Variants in PTPRO observed in about 807,000 individuals in gnomAD.
PTPRO encodes protein tyrosine phosphatase receptor type O.
Under a neutral mutation model 145.2 loss-of-function variants are expected in PTPRO, and 62 were observed. That is an observed-to-expected ratio of 0.43 (90% CI 0.35 to 0.53). The LOEUF (loss-of-function observed/expected upper bound fraction) is 0.53, where lower values mean the gene tolerates loss of function less well. PTPRO is among the 20% of genes least tolerant of loss of function. The pLI, the probability that PTPRO is intolerant of heterozygous loss-of-function variation, is 0.01. For missense variants in PTPRO, 1,345 were observed against 1,482.7 expected, an observed-to-expected ratio of 0.91 and a Z score of 1.53; for synonymous variants, 565 against 514.7, an observed-to-expected ratio of 1.10 and a Z score of -1.32.
rs1234698497 is a variant in PTPRO at position 15,513,189 on chromosome 12, GAA to G, written c.1465-2307_1465-2306del. On this transcript the variant is annotated intron_variant, in intron 7 of 26. Coordinates refer to ENST00000281171, the MANE Select transcript of PTPRO (RefSeq NM_030667.3). ...AGAAAGAAAGAAAGAAAGAAAGAAA[GAA>G]AGAAAGAAAGAAAGAAAGAAAGAAA... 8.3e-5 allele frequency among the ~76,000 whole-genome samples: 8 copies of G among 96,338 alleles called. 1 individual carries two copies. Among genetic ancestry groups the G allele is most frequent in the African/African-American group, 3.7e-4 (8 of 21,596 alleles). The allele number at this position is 96,338 out of a possible 152,430, so 63.2% of individuals were successfully genotyped here.
At chr12:15,496,749 C>T (rs1306374100) in intron 2 of PTPRO, among the ~76,000 whole-genome samples, 1 of 152,066 alleles carries the variant, frequency 6.6e-6, no homozygotes, top group Non-Finnish European at 1.5e-5. Context: ...AAAATAAGTG[C>T]TATGTTCACA....
chr12:15,511,619 G>A (rs1422144174), intron 7 of PTPRO, among the ~76,000 whole-genome samples: 11 of 152,188 alleles, frequency 7.2e-5, no homozygotes, highest in African/African-American at 2.7e-4. Flanking sequence ...AGCATGGAGT[G>A]CAAAGTCATG....
At chr12:15,421,288 C>A (rs913831006) in intron 1 of PTPRO, among the ~76,000 whole-genome samples, 5 of 152,036 alleles carry the variant, frequency 3.3e-5, no homozygotes, top group Non-Finnish European at 7.4e-5. Context: ...TCCTTGAAAC[C>A]AGTGGTTGTG....
chr12:15,378,258 C>T (rs1000502208), intron 1 of PTPRO, among the ~76,000 whole-genome samples: 2 of 151,382 alleles, frequency 1.3e-5, no homozygotes, highest in African/African-American at 4.9e-5. Flanking sequence ...CTAGACTGAC[C>T]AAGAAATAGA....
chr12:15,546,408 C>G, intron 12 of PTPRO, 161 bp from the exon 13 acceptor site: 1 of 1,444,060 alleles, frequency 6.9e-7, no homozygotes, highest in Non-Finnish European at 9.1e-7. Flanking sequence ...AGTTAGATAG[C>G]TATCTTTATG....
At chr12:15,470,188 G>A (rs1941508243) in intron 1 of PTPRO, among the ~76,000 whole-genome samples, 1 of 152,184 alleles carries the variant, frequency 6.6e-6, no homozygotes, top group African/African-American at 2.4e-5. Flanking sequence ...ATGAAAGGTA[G>A]CATTTGGGAA....
chr12:15,374,547 T>G (rs1057288725), intron 1 of PTPRO, among the ~76,000 whole-genome samples: 2 of 152,130 alleles, frequency 1.3e-5, no homozygotes, highest in Non-Finnish European at 2.9e-5. Context: ...GGCAGTCCAA[T>G]TTTGGAACTC....
chr12:15,373,674 T>G (rs1938596912), intron 1 of PTPRO, among the ~76,000 whole-genome samples: 2 of 152,188 alleles, frequency 1.3e-5, no homozygotes, highest in South Asian at 4.1e-4. Context: ...ACCTACTATG[T>G]GCAAATCATT....
At chr12:15,481,561 C>G (rs1410685665) in intron 1 of PTPRO, among the ~76,000 whole-genome samples, 1 of 152,190 alleles carries the variant, frequency 6.6e-6, no homozygotes, top group Non-Finnish European at 1.5e-5. Context: ...GGATCAACCA[C>G]ATGAAAAGCA....
At chr12:15,330,258 G>A (rs1356226030) in intron 1 of PTPRO, among the ~76,000 whole-genome samples, 1 of 152,190 alleles carries the variant, frequency 6.6e-6, no homozygotes, top group Non-Finnish European at 1.5e-5. Flanking sequence ...ACTGGCATTA[G>A]GGTGACAGAC....
chr12:15,514,322 C>T (rs980996077), intron 7 of PTPRO, among the ~76,000 whole-genome samples: 5 of 151,654 alleles, frequency 3.3e-5, no homozygotes, highest in Non-Finnish European at 5.9e-5. Context: ...CGTGGTGGCC[C>T]ACAACTGTAA....
intron 15 of PTPRO, 86 bp from the exon 16 acceptor site, chr12:15,557,369 G>A (rs1295137240): frequency 8.5e-7 from 1 of 1,181,904 alleles, no homozygotes; most frequent in Non-Finnish European, 1.3e-6. Flanking sequence ...GTGATGATAA[G>A]CTGGTAAAGA....
chr12:15,517,256 G>C (rs1336525187), intron 9 of PTPRO, among the ~76,000 whole-genome samples: 1 of 152,116 alleles, frequency 6.6e-6, no homozygotes, highest in African/African-American at 2.4e-5. Context: ...AGCTTGTGTA[G>C]GAAAACTCCC....
rs1244053639 is a variant in PTPRO, at chr12:15,360,860, A to G, written c.75+38059A>G. On this transcript the variant is annotated intron_variant, in intron 1 of 26. Transcript: ENST00000281171. ...TATACGTGTGTATATATGTGTGTGT[A>G]TATATGTGTGTATATACACACATAC... 5.1e-5 allele frequency among the ~76,000 whole-genome samples: 7 copies of G among 137,702 alleles called. 1 individual carries two copies. The highest frequency in any genetic ancestry group is 2.1e-4 in the East Asian group (1 of 4,664). 90.3% of individuals were successfully genotyped at this position (137,702 alleles called of 152,430 possible).
intron 1 of PTPRO, among the ~76,000 whole-genome samples, chr12:15,351,442 G>A (rs1416621394): frequency 6.6e-6 from 1 of 152,028 alleles, no homozygotes; most frequent in Admixed American, 6.6e-5. Context: ...CAGTCCTCTT[G>A]AAAACAAAAG....
At chr12:15,576,015 G>C (rs1014922187) in intron 19 of PTPRO, among the ~76,000 whole-genome samples, 8 of 152,116 alleles carry the variant, frequency 5.3e-5, no homozygotes, top group Admixed American at 3.3e-4. Context: ...TATCTTTTTG[G>C]GGATCACCAT....
At chr12:15,356,481 G>A (rs1465566966) in intron 1 of PTPRO, among the ~76,000 whole-genome samples, 1 of 152,118 alleles carries the variant, frequency 6.6e-6, no homozygotes, top group Non-Finnish European at 1.5e-5. Context: ...TAAATGGAGG[G>A]GTGGGTAGCT....
In PTPRO at chr12:15,589,521, T is replaced by C. The variant is rs756968036; in HGVS notation, c.3477T>C (p.His1159=). 5.6e-6 allele frequency: 9 copies of C among 1,611,534 alleles called. No homozygotes were observed. Among genetic ancestry groups the C allele is most frequent in the South Asian group, 5.5e-5 (5 of 91,060 alleles). Residue 1159 remains histidine, a synonymous_variant, in exon 25 of 27, where the codon CAT becomes CAC. Coordinates refer to ENST00000281171, the MANE Select transcript of PTPRO (RefSeq NM_030667.3). ...GGCTCTTGCAGCACATTCGGGATCA[T>C]GAGTTTGTTGACATCTTAGGGCTGG... The part of the protein sequence containing the change: ...LDRLLQHIRD[H]EFVDILGLVS...
intron 1 of PTPRO, among the ~76,000 whole-genome samples, chr12:15,360,853 T>TGTGTGTATATACACAC (rs1193490477): frequency 1.0e-5 from 1 of 100,038 alleles, no homozygotes; most frequent in Non-Finnish European, 2.4e-5. Context: ...TGTATATATG[T>TGTGTGTATATACACAC]GTGTGTATAT....
Sources: gnomAD v4.1 joint callset for allele counts (sites outside exome capture counted in the v4.1 genomes callset) on GRCh38, gnomAD v4.1.1 for gene constraint, MANE v1.5 for transcripts, NCBI Gene and HGNC (gene_info 2026-07-23, HGNC 2026-07-21) for gene names.